Variants in BPNT1 observed in about 807,000 individuals in gnomAD.
BPNT1 encodes the protein 3'(2'), 5'-bisphosphate nucleotidase 1, also known as 3'(2'),5'-bisphosphate nucleotidase 1.
A neutral mutation model predicts 36.9 loss-of-function variants in BPNT1; 28 were observed. The observed-to-expected ratio is 0.76, with a 90% confidence interval of 0.56 to 1.04. BPNT1 has a LOEUF of 1.04. Among genes scored for constraint, BPNT1 ranks in the 50% least tolerant of loss-of-function variants. The pLI is 0.00. For synonymous variants in BPNT1, 119 were observed against 130.9 expected (o/e 0.91, Z 0.62); for missense variants, 313 against 372.9 (o/e 0.84, Z 1.32).
intron 6 of BPNT1, 157 bp downstream of exon 6, chr1:220,067,141 AAAAT>A (rs757688364): frequency 1.0e-4 from 22 of 218,418 alleles, no homozygotes; most frequent in South Asian, 1.8e-4. Context: ...AAAAAAGTTA[AAAAT>A]AAATAAATAA....
chr1:220,088,684 G>A (rs888673468), intron 1 of BPNT1, among the ~76,000 whole-genome samples: 3 of 151,532 alleles, frequency 2.0e-5, no homozygotes, highest in African/African-American at 7.3e-5. Flanking sequence ...CAGCTGCTCG[G>A]GAGGCTGAGG....
rs1416777034 is a variant in BPNT1 at position 220,059,755 on chromosome 1, C to A, written c.709G>T (p.Val237Leu). Residue 237 changes from valine to leucine, a missense_variant, in exon 8 of 9, where the codon GTA becomes TTA. Coordinates refer to ENST00000322067, the MANE Select transcript of BPNT1 (RefSeq NM_006085.6). ...QLIEGKASAY[V>L]FASPGCKKWD... The stretch of plus-strand genomic sequence containing the variant: ...TTCTTACAACCAGGACTTGCAAATA[C>A]ATAAGCAGAGGCTTTGCCTTCAATC... 6.2e-7 allele frequency: 1 copy of A among 1,610,270 alleles called. No individual in the cohort carries two copies.
chr1:220,063,384 A>G (rs534665588), intron 6 of BPNT1, among the ~76,000 whole-genome samples: 1 of 152,162 alleles, frequency 6.6e-6, no homozygotes, highest in Non-Finnish European at 1.5e-5. Context: ...CAAGAACAAT[A>G]TCACTGGCAA....
At chr1:220,077,576 T>C (rs145912839) in intron 2 of BPNT1, among the ~76,000 whole-genome samples, 39 of 152,294 alleles carry the variant, frequency 2.6e-4, no homozygotes, top group Middle Eastern at 3.4e-3. Flanking sequence ...TCTTGCTATG[T>C]TGCCCAGGCT....
intron 1 of BPNT1, among the ~76,000 whole-genome samples, chr1:220,087,604 T>C (rs1450877601): frequency 1.3e-5 from 2 of 152,002 alleles, no homozygotes; most frequent in Non-Finnish European, 2.9e-5. Flanking sequence ...AACTTCTACA[T>C]GGCCAAAATA....
intron 2 of BPNT1, among the ~76,000 whole-genome samples, chr1:220,074,530 T>C (rs922890809): frequency 6.6e-6 from 1 of 151,804 alleles, no homozygotes; most frequent in African/African-American, 2.4e-5. Context: ...AGAGTCTTGC[T>C]CTGTCACTGG....
intron 4 of BPNT1, among the ~76,000 whole-genome samples, chr1:220,070,247 A>T (rs1182438983): frequency 1.3e-5 from 2 of 152,212 alleles, no homozygotes; most frequent in Non-Finnish European, 2.9e-5. Context: ...ATTTAATATG[A>T]TTCAGGATAT....
In BPNT1 at chr1:220,057,880, A is replaced by G. The variant is rs1448719848; in HGVS notation, c.*964T>C. 11 of 1,303,056 alleles carry G rather than the reference A, an allele frequency of 8.4e-6. No homozygotes were observed. Among genetic ancestry groups the G allele is most frequent in the Non-Finnish European group, 1.1e-5 (11 of 988,424 alleles). 80.7% of individuals were successfully genotyped at this position (1,303,056 alleles called of 1,614,324 possible). On this transcript the variant is annotated 3_prime_UTR_variant, in exon 9 of 9. Coordinates refer to ENST00000322067, the MANE Select transcript of BPNT1 (RefSeq NM_006085.6). ...GAGATTCCAGAAAAAATTGTGCCCT[A>G]AAGAAATCTGGTTTAGGCCAGGTGC...
intron 3 of BPNT1, 43 bp from the exon 4 acceptor site, chr1:220,073,000 G>T: frequency 6.9e-7 from 1 of 1,448,442 alleles, no homozygotes; most frequent in Non-Finnish European, 9.7e-7. Flanking sequence ...GCTGTTTAGT[G>T]TTTACAGAGT....
At chr1:220,061,771 CATA>C (rs1353768490) in intron 7 of BPNT1, among the ~76,000 whole-genome samples, 2 of 151,980 alleles carry the variant, frequency 1.3e-5, no homozygotes, top group African/African-American at 4.8e-5. Context: ...GGGATGTCAT[CATA>C]ATGATATCTA....
At chr1:220,072,644 G>A (rs564009580) in intron 4 of BPNT1, among the ~76,000 whole-genome samples, 7 of 152,152 alleles carry the variant, frequency 4.6e-5, no homozygotes, top group Non-Finnish European at 8.8e-5. Flanking sequence ...CGGTTTTAGA[G>A]TGCAAAGGAA....
chr1:220,077,253 A>G (rs1023345841), intron 2 of BPNT1, among the ~76,000 whole-genome samples: 1 of 152,144 alleles, frequency 6.6e-6, no homozygotes, highest in Non-Finnish European at 1.5e-5. Flanking sequence ...AATAACTTGA[A>G]TATTTTCTTA....
At position 220,058,701 on chromosome 1, in the gene BPNT1, T is replaced by G. The variant is rs917935310; in HGVS notation, c.*143A>C. ...CGCATGACAGGATGCCCAGTTAATTTGTATTTTTGTAGAGATGGGGTCTCA... is the reference window on the plus strand; with the variant it reads ...CGCATGACAGGATGCCCAGTTAATTGGTATTTTTGTAGAGATGGGGTCTCA... On this transcript the variant is annotated 3_prime_UTR_variant, in exon 9 of 9. Transcript: ENST00000322067. 1.2e-6 allele frequency: 1 copy of G among 861,578 alleles called. No individual in the cohort carries two copies. The highest frequency in any genetic ancestry group is 1.7e-5 in the African/African-American group (1 of 58,666). The allele number at this position is 861,578 out of a possible 1,614,324, so 53.4% of individuals were successfully genotyped here.
intron 1 of BPNT1, among the ~76,000 whole-genome samples, chr1:220,084,405 A>G (rs1353010839): frequency 6.6e-6 from 1 of 152,118 alleles, no homozygotes; most frequent in Non-Finnish European, 1.5e-5. Flanking sequence ...TCTTATTTCT[A>G]TTCCTTTATA....
At position 220,069,427 on chromosome 1, in the gene BPNT1, C is replaced by T. The variant is rs765833655; in HGVS notation, c.339G>A (p.Val113=). The T allele has an allele frequency of 5.0e-6, 8 of 1,602,174 alleles. No individual in the cohort carries two copies. In the Admixed American group the frequency reaches 8.6e-5, roughly 17 times the overall value. ...QYSAIKEEDL[V]VWVDPLDGTK... ...TTCCATCCAGAGGATCAACCCAGAC[C>T]ACGAGCTAAAATTAAAAAGAGAGAA... The change falls in exon 5 of 9, where the codon GTG becomes GTA. Residue 113 remains valine (V), a synonymous_variant. Coordinates refer to ENST00000322067, the MANE Select transcript of BPNT1 (RefSeq NM_006085.6).
At chr1:220,069,487 A>G (rs1663852762) in intron 4 of BPNT1, 55 bp from the exon 5 acceptor site, 2 of 1,246,558 alleles carry the variant, frequency 1.6e-6, no homozygotes, top group African/African-American at 1.5e-5. Context: ...AAAATTCTAA[A>G]AATAGATTTA....
chr1:220,074,008 A>T lies in BPNT1; in HGVS notation c.184T>A (p.Leu62Met). ...GTGAGTTTGGGGAATTTCCGGGCCA[A>T]TGAAGAACATATGCTCATCTGTGCC... The part of the protein sequence containing the change: ...RLAQMSICSS[L>M]ARKFPKLTII... The change falls in exon 3 of 9, where the codon TTG (leucine) becomes ATG (methionine). Residue 62 changes from leucine to methionine, a missense_variant. Leu to Met is a conservative substitution (Grantham distance 15). Coordinates refer to ENST00000322067, the MANE Select transcript of BPNT1 (RefSeq NM_006085.6). 9 of 1,614,172 alleles carry T rather than the reference A, an allele frequency of 5.6e-6. No individual in the cohort carries two copies. The highest frequency in any genetic ancestry group is 7.6e-6 in the Non-Finnish European group (9 of 1,180,030).
intron 6 of BPNT1, among the ~76,000 whole-genome samples, chr1:220,063,746 T>C (rs144429014): frequency 2.6e-5 from 4 of 152,314 alleles, no homozygotes; most frequent in Non-Finnish European, 5.9e-5. Flanking sequence ...GCCAATACAA[T>C]ATTGAAGAGT....
At chr1:220,061,236 T>C (rs1663000354) in intron 7 of BPNT1, among the ~76,000 whole-genome samples, 1 of 152,230 alleles carries the variant, frequency 6.6e-6, no homozygotes, top group South Asian at 2.1e-4. Flanking sequence ...ATTCCTCTAA[T>C]ACTGACACAC....
Sources: allele counts gnomAD v4.1 joint callset (sites outside exome capture counted in the v4.1 genomes callset), GRCh38; gene constraint gnomAD v4.1.1; transcripts MANE v1.5; gene names NCBI Gene and HGNC (gene_info 2026-07-23, HGNC 2026-07-21).